PLXNA4: variants seen among roughly 807,000 people sequenced by gnomAD.
The protein encoded by PLXNA4 is plexin A4, also known as plexin-A4.
Under a neutral mutation model 191.8 loss-of-function variants are expected in PLXNA4, and 44 were observed. The observed-to-expected ratio is 0.23, with a 90% CI of 0.18 to 0.29. PLXNA4 has a LOEUF of 0.29. Ranked by LOEUF, PLXNA4 falls within the 10% of genes least tolerant of loss-of-function variation. The probability of loss-of-function intolerance (pLI) is 1.00; values close to 1 mark genes in which losing one functional copy is unlikely to be tolerated. For synonymous variants in PLXNA4, 1,082 were observed against 1,009.5 expected, an observed-to-expected ratio of 1.07 and a Z score of -1.36; for missense variants, 1,800 against 2,488.8, an observed-to-expected ratio of 0.72 and a Z score of 5.89.
At chr7:132,494,685 C>T (rs73724045) in intron 2 of PLXNA4, among the ~76,000 whole-genome samples, 10,464 of 152,208 alleles carry the variant, frequency 0.069, 827 homozygotes, top group African/African-American at 0.19. Flanking sequence ...CAAAGGTTAC[C>T]GTGCAATTAC....
intron 3 of PLXNA4, among the ~76,000 whole-genome samples, chr7:132,472,727 C>A (rs1796975399): frequency 6.6e-6 from 1 of 152,174 alleles, no homozygotes; most frequent in Non-Finnish European, 1.5e-5. Flanking sequence ...CACTGCTAGT[C>A]CCATAATGTA....
chr7:132,411,085 C>T (rs890658386), intron 3 of PLXNA4, among the ~76,000 whole-genome samples: 4 of 152,306 alleles, frequency 2.6e-5, no homozygotes, highest in South Asian at 4.1e-4. Context: ...AAATAGAGAA[C>T]GAAAAGAATG....
chr7:132,210,883 A>G, intron 10 of PLXNA4, 60 bp downstream of exon 10: 1 of 1,563,388 alleles, frequency 6.4e-7, no homozygotes, highest in Non-Finnish European at 8.7e-7. Context: ...CCTAGAAGAC[A>G]ACAGTGATGT....
At chr7:132,403,457 T>C (rs1022481365) in intron 3 of PLXNA4, among the ~76,000 whole-genome samples, 1 of 152,206 alleles carries the variant, frequency 6.6e-6, no homozygotes, top group Non-Finnish European at 1.5e-5. Flanking sequence ...CCCTAATTGC[T>C]GCTAAAGATC....
chr7:132,275,792 C>T (rs1200130880), intron 4 of PLXNA4, among the ~76,000 whole-genome samples: 1 of 152,232 alleles, frequency 6.6e-6, no homozygotes, highest in Non-Finnish European at 1.5e-5. Flanking sequence ...ATGCATGTGA[C>T]ATGTGACTCT....
intron 3 of PLXNA4, among the ~76,000 whole-genome samples, chr7:132,452,758 A>G (rs1563107291): frequency 6.6e-6 from 1 of 152,210 alleles, no homozygotes; most frequent in Admixed American, 6.5e-5. Flanking sequence ...GCATCAGTGC[A>G]AGGGCTCAGA....
intron 3 of PLXNA4, among the ~76,000 whole-genome samples, chr7:132,343,631 C>G (rs570295533): frequency 6.6e-6 from 1 of 152,136 alleles, no homozygotes; most frequent in Non-Finnish European, 1.5e-5. Flanking sequence ...TTAGAACACT[C>G]AATGTGGCTG....
chr7:132,429,912 C>T (rs277478), intron 3 of PLXNA4, among the ~76,000 whole-genome samples: 40,828 of 152,098 alleles, frequency 0.27, 11,052 homozygotes, highest in African/African-American at 0.68. Context: ...ACACCTCTGA[C>T]GTCTGTGAGA....
intron 3 of PLXNA4, among the ~76,000 whole-genome samples, chr7:132,479,380 C>A (rs1391216680): frequency 6.6e-6 from 1 of 152,118 alleles, no homozygotes; most frequent in East Asian, 1.9e-4. Flanking sequence ...GGGGTAAAAC[C>A]CCAAACCAAC....
At chr7:132,424,312 G>C (rs949539400) in intron 3 of PLXNA4, among the ~76,000 whole-genome samples, 2 of 152,224 alleles carry the variant, frequency 1.3e-5, no homozygotes, top group African/African-American at 4.8e-5. Flanking sequence ...AAAAGAGGCA[G>C]ATCTAGGAAA....
chr7:132,388,515 CCTAA>C (rs1223570392), intron 3 of PLXNA4, among the ~76,000 whole-genome samples: 1 of 152,080 alleles, frequency 6.6e-6, no homozygotes, highest in African/African-American at 2.4e-5. Context: ...AATAGTCTAC[CCTAA>C]CTAACAATTT....
At chr7:132,274,097 C>A (rs187147331) in intron 4 of PLXNA4, among the ~76,000 whole-genome samples, 2 of 151,956 alleles carry the variant, frequency 1.3e-5, no homozygotes, top group Admixed American at 1.3e-4. Context: ...TGTATAATTC[C>A]ATTTCTAGGA....
At chr7:132,563,145 T>TCCTCCTTCTCCTCC (rs1801398686) in intron 1 of PLXNA4, among the ~76,000 whole-genome samples, 1 of 20,306 alleles carries the variant, frequency 4.9e-5, no homozygotes, top group Non-Finnish European at 9.2e-5. Context: ...CCTTCTCCTC[T>TCCTCCTTCTCCTCC]TCCTCCTTCT....
chr7:132,370,170 A>T (rs1475037409), intron 3 of PLXNA4, among the ~76,000 whole-genome samples: 1 of 152,166 alleles, frequency 6.6e-6, no homozygotes, highest in Non-Finnish European at 1.5e-5. Context: ...GCAAGAGTCA[A>T]CTTGGGTGTT....
At chr7:132,594,311 A>G (rs1802659231) in intron 2 of PLXNA4, among the ~76,000 whole-genome samples, 1 of 152,144 alleles carries the variant, frequency 6.6e-6, no homozygotes, top group Non-Finnish European at 1.5e-5. Context: ...CAAGCCAAGG[A>G]ACTACCAGAA....
At chr7:132,607,111 T>C (rs1802941004) in intron 2 of PLXNA4, among the ~76,000 whole-genome samples, 1 of 152,156 alleles carries the variant, frequency 6.6e-6, no homozygotes, top group Admixed American at 6.5e-5. Flanking sequence ...ACAGAAGCCT[T>C]TGAAAAAGTT....
rs563879077 is a variant in PLXNA4, at chr7:132,520,451, C to T, written c.-86-11672G>A. On this transcript the variant is annotated intron_variant, in intron 1 of 31. Coordinates refer to ENST00000321063, the MANE Select transcript of PLXNA4 (RefSeq NM_020911.2). Reference sequence around the variant, plus strand: ...GCAGCAGGAGGCCAGCAGGAGGCCTCCAAGCATTGAAACTGCCCCACCCAC... The same window carrying T: ...GCAGCAGGAGGCCAGCAGGAGGCCTTCAAGCATTGAAACTGCCCCACCCAC... Among the ~76,000 whole-genome samples, 3 of 152,260 alleles carry T rather than the reference C, an allele frequency of 2.0e-5. No individual in the cohort carries two copies. In the East Asian group the frequency reaches 5.8e-4, roughly 29 times the overall value.
intron 3 of PLXNA4, among the ~76,000 whole-genome samples, chr7:132,488,186 C>T (rs903394148): frequency 3.9e-5 from 6 of 152,142 alleles, no homozygotes; most frequent in East Asian, 3.9e-4. Context: ...CTGGGGTGCC[C>T]GCCTCTTGTC....
In PLXNA4 at chr7:132,130,509, T is replaced by G. The variant is rs965717088; in HGVS notation, c.5655A>C (p.Gln1885His). 1.9e-6 allele frequency: 3 copies of G among 1,614,188 alleles called. No individual in the cohort carries two copies. Among genetic ancestry groups the G allele is most frequent in the Admixed American group, 3.3e-5 (2 of 60,022 alleles). ...GKQKLAYKLE[Q>H]VITLMSLDS ...TGTCTAAGCTCATGAGGGTTATGACTTGTTCTAGTTTGTAGGCCAGTTTCT... is the reference window on the plus strand; with the variant it reads ...TGTCTAAGCTCATGAGGGTTATGACGTGTTCTAGTTTGTAGGCCAGTTTCT... Residue 1885 changes from glutamine to histidine, a missense_variant, in exon 32 of 32, where the codon CAA (glutamine) becomes CAC (histidine). Physicochemically the swap from Gln to His is conservative, Grantham distance 24. This residue lies in a region of PLXNA4 where 83 missense variants were observed against 81.6 expected (regional missense o/e 1.02). Transcript: ENST00000321063.
Sources: gnomAD v4.1 joint callset for allele counts (sites outside exome capture counted in the v4.1 genomes callset) on GRCh38, gnomAD v4.1.1 for gene constraint, gnomAD v4.1.1 regional missense constraint, MANE v1.5 for transcripts, NCBI Gene and HGNC (gene_info 2026-07-23, HGNC 2026-07-21) for gene names.